Variants in NMT1 observed in about 807,000 individuals in gnomAD.
NMT1 encodes the protein N-myristoyltransferase 1, also known as glycylpeptide N-tetradecanoyltransferase 1.
A neutral mutation model predicts 63.4 loss-of-function variants in NMT1; 12 were observed. The observed-to-expected ratio is 0.19, with a 90% CI of 0.12 to 0.31. NMT1 has a LOEUF of 0.31. Ranked by LOEUF, NMT1 falls within the 10% of genes least tolerant of loss-of-function variation. The pLI is 1.00. For missense variants in NMT1, 432 were observed against 634.6 expected, an observed-to-expected ratio of 0.68 and a Z score of 3.43; for synonymous variants, 228 against 234.3, an observed-to-expected ratio of 0.97 and a Z score of 0.25.
At chr17:45,092,437 AAT>A (rs2054094547) in intron 3 of NMT1, among the ~76,000 whole-genome samples, 1 of 151,874 alleles carries the variant, frequency 6.6e-6, no homozygotes, top group Non-Finnish European at 1.5e-5. Context: ...TACATGTTAG[AAT>A]GAAATGTTTG....
rs1259891285 is a variant in NMT1, at chr17:45,096,281, T to C, written c.592T>C (p.Leu198=). Reference sequence around the variant, plus strand: ...ATTTGATTATTCCCCGGAGTTTCTTTTGTGGTAAGTTGTGGGGGCTTTCTT... The same window carrying C: ...ATTTGATTATTCCCCGGAGTTTCTTCTGTGGTAAGTTGTGGGGGCTTTCTT... ...FRFDYSPEFL[L]WALRPPGWLP... Residue 198 remains leucine (L), a synonymous_variant, in exon 5 of 12, where the codon TTG becomes CTG. Coordinates refer to ENST00000258960, the MANE Select transcript of NMT1 (RefSeq NM_021079.5). 3 of 1,612,194 alleles carry C rather than the reference T, an allele frequency of 1.9e-6. No individual in the cohort carries two copies. Among genetic ancestry groups the C allele is most frequent in the Non-Finnish European group, 2.5e-6 (3 of 1,178,342 alleles).
chr17:45,108,075 G>A lies in NMT1; in HGVS notation c.*2436G>A, dbSNP rs200266826. ...CCCACAGGAGCCCTGCAGTGTGGTAGCGCCATGGCTGTCTCAAACCAAGCA... is the reference window on the plus strand; with the variant it reads ...CCCACAGGAGCCCTGCAGTGTGGTAACGCCATGGCTGTCTCAAACCAAGCA... On this transcript the variant is annotated 3_prime_UTR_variant, in exon 12 of 12. Coordinates refer to ENST00000258960, the MANE Select transcript of NMT1 (RefSeq NM_021079.5). 5 of 152,396 alleles carry A rather than the reference G, an allele frequency of 3.3e-5. No homozygotes were observed. In the East Asian group the frequency reaches 9.7e-4, roughly 29 times the overall value. 9.4% of individuals were successfully genotyped at this position (152,396 alleles called of 1,614,324 possible).
At chr17:45,091,186 T>TCACACACA (rs1567868410) in intron 3 of NMT1, among the ~76,000 whole-genome samples, 5 of 71,812 alleles carry the variant, frequency 7.0e-5, no homozygotes, top group South Asian at 9.8e-4. Flanking sequence ...AGGTCTTTCC[T>TCACACACA]GACACACACA....
intron 2 of NMT1, among the ~76,000 whole-genome samples, chr17:45,085,385 C>T (rs970567789): frequency 7.2e-5 from 11 of 152,260 alleles, no homozygotes; most frequent in Admixed American, 7.2e-4. Context: ...TGGGTAGGTC[C>T]AGGTGTTTTC....
Position 45,105,142 on chromosome 17 carries a change from G to T in NMT1, c.1470+146G>T, listed in dbSNP as rs2054194372. 3.8e-6 allele frequency: 4 copies of T among 1,052,306 alleles called. No individual in the cohort carries two copies. The South Asian group carries it at 6.1e-5, about 16-fold the overall frequency. 65.2% of individuals were successfully genotyped at this position (1,052,306 alleles called of 1,614,324 possible). A position where few individuals can be genotyped will look rare whatever the true frequency, so the allele number is the denominator to read the frequency against. ...CCTTTGAAAATGCCCTCCCTCTGCT[G>T]GCCAGACCAGCAGGTCAGCGTTCCC... On this transcript the variant is annotated intron_variant, in intron 11 of 11. Transcript: ENST00000258960. The surrounding 1 kb of genome is among the most constrained non-coding windows in gnomAD (Gnocchi z 4.2).
At chr17:45,090,119 C>G (rs2054078511) in intron 3 of NMT1, among the ~76,000 whole-genome samples, 1 of 151,408 alleles carries the variant, frequency 6.6e-6, no homozygotes, top group Non-Finnish European at 1.5e-5. Context: ...CTCGTCTCTA[C>G]AAAAAAATTT....
At chr17:45,077,624 A>G (rs944199671) in intron 1 of NMT1, among the ~76,000 whole-genome samples, 2 of 152,202 alleles carry the variant, frequency 1.3e-5, no homozygotes, top group Non-Finnish European at 2.9e-5. Flanking sequence ...TCCCGACCTC[A>G]GGTGATCCGC....
At chr17:45,071,849 T>G (rs2053941543) in intron 1 of NMT1, among the ~76,000 whole-genome samples, 1 of 152,196 alleles carries the variant, frequency 6.6e-6, no homozygotes, top group South Asian at 2.1e-4. Flanking sequence ...TCCTCCCGCC[T>G]CAGCTTCCTC....
At chr17:45,097,764 C>T (rs896783574) in intron 6 of NMT1, among the ~76,000 whole-genome samples, 26 of 152,300 alleles carry the variant, frequency 1.7e-4, no homozygotes, top group Admixed American at 1.5e-3. Flanking sequence ...CCTGCCTCAG[C>T]CTCCCAAGTA....
intron 1 of NMT1, among the ~76,000 whole-genome samples, chr17:45,078,983 A>G (rs2053995146): frequency 6.6e-6 from 1 of 152,000 alleles, no homozygotes; most frequent in Non-Finnish European, 1.5e-5. Flanking sequence ...TTGAAAATTG[A>G]TTGTCTAAAA....
chr17:45,071,059 T>C (rs1249585053), intron 1 of NMT1, among the ~76,000 whole-genome samples: 1 of 152,198 alleles, frequency 6.6e-6, no homozygotes, highest in Non-Finnish European at 1.5e-5. Flanking sequence ...TGCCATTTCA[T>C]TCACCTCTCT....
At chr17:45,069,879 C>CAAAA (rs540316068) in intron 1 of NMT1, among the ~76,000 whole-genome samples, 1 of 117,850 alleles carries the variant, frequency 8.5e-6, no homozygotes. Context: ...GACTCCATCT[C>CAAAA]AAAAAAAAAA....
At chr17:45,081,547 AT>A in intron 1 of NMT1, 96 bp from the exon 2 acceptor site, 2 of 1,093,056 alleles carry the variant, frequency 1.8e-6, no homozygotes, top group Non-Finnish European at 2.7e-6. Flanking sequence ...AACAGGCTTG[AT>A]TAAGGAAGGT....
At chr17:45,065,712 T>C (rs966169476) in intron 1 of NMT1, among the ~76,000 whole-genome samples, 1 of 151,756 alleles carries the variant, frequency 6.6e-6, no homozygotes, top group African/African-American at 2.4e-5. Context: ...TGCTTTCCAC[T>C]GTGTTTTGCT....
chr17:45,078,614 T>C (rs1032428224), intron 1 of NMT1, among the ~76,000 whole-genome samples: 1 of 152,114 alleles, frequency 6.6e-6, no homozygotes, highest in Non-Finnish European at 1.5e-5. Context: ...AATGGAAAAT[T>C]GTATTTTATA....
At chr17:45,098,794 G>A in intron 7 of NMT1, 1 of 462,144 alleles carries the variant, frequency 2.2e-6, no homozygotes, top group Non-Finnish European at 3.9e-6. Flanking sequence ...GCTGGCTGCT[G>A]CCATTTGGAG....
rs189644540 is a variant in NMT1, at chr17:45,097,091, G to A, written c.597-37G>A. 6.3e-4 allele frequency: 989 copies of A among 1,581,086 alleles called. 1 individual carries two copies. Among genetic ancestry groups the A allele is most frequent in the Non-Finnish European group, 7.6e-4 (871 of 1,150,614 alleles). On this transcript the variant is annotated intron_variant, in intron 5 of 11. Coordinates refer to ENST00000258960, the MANE Select transcript of NMT1 (RefSeq NM_021079.5). ...GCCCAAGCGGCTTGTCCAGCCTGCC[G>A]GCAAGCAGCACAACCACCCCAGCCT...
Position 45,106,101 on chromosome 17 carries a change from T to C in NMT1, c.*462T>C, listed in dbSNP as rs1244625323. Reference sequence around the variant, plus strand: ...CCGAGGACAGTGGCAGACAGACGCGTTGGCACAGTTCATGGTTTCCTCCAG... The same window carrying C: ...CCGAGGACAGTGGCAGACAGACGCGCTGGCACAGTTCATGGTTTCCTCCAG... On this transcript the variant is annotated 3_prime_UTR_variant, in exon 12 of 12. Coordinates refer to ENST00000258960, the MANE Select transcript of NMT1 (RefSeq NM_021079.5). The C allele has an allele frequency of 6.6e-6, 1 of 152,346 alleles. No individual in the cohort carries two copies. Among genetic ancestry groups the C allele is most frequent in the Non-Finnish European group, 1.5e-5 (1 of 68,026 alleles). 9.4% of individuals were successfully genotyped at this position (152,346 alleles called of 1,614,324 possible).
At position 45,091,729 on chromosome 17, in the gene NMT1, TC is replaced by T. The variant is rs747029581; in HGVS notation, c.386-1955del. 7.4e-4 allele frequency among the ~76,000 whole-genome samples: 112 copies of T among 152,284 alleles called. 1 individual carries two copies. In the Middle Eastern group the frequency reaches 0.024, roughly 32 times the overall value. On this transcript the variant is annotated intron_variant, in intron 3 of 11. Transcript: ENST00000258960. ...TTCACAAGAGCTACTTTATGAATAA[TC>T]AAATGGTGGGTTTTGGCTGGGCGCC...
Sources: gnomAD v4.1 joint callset for allele counts (sites outside exome capture counted in the v4.1 genomes callset) on GRCh38, gnomAD v4.1.1 for gene constraint, Gnocchi (gnomAD v3.1) non-coding constraint, MANE v1.5 for transcripts, NCBI Gene and HGNC (gene_info 2026-07-23, HGNC 2026-07-21) for gene names.